DCHS2: variants seen among roughly 807,000 people sequenced by gnomAD.
DCHS2 encodes the protein protocadherin-23.
A neutral mutation model predicts 182.4 loss-of-function variants in DCHS2; 142 were observed. That is an observed-to-expected ratio of 0.78 (90% CI 0.68 to 0.89). DCHS2 has a LOEUF of 0.89. Ranked by LOEUF, DCHS2 falls within the 40% of genes least tolerant of loss-of-function variation. The probability of loss-of-function intolerance (pLI) is 0.00; values close to 1 mark genes in which losing one functional copy is unlikely to be tolerated. For missense variants in DCHS2, 4,319 were observed against 4,198.6 expected (o/e 1.03, Z -0.79); for synonymous variants, 1,740 against 1,663.3 (o/e 1.05, Z -1.12).
chr4:154,378,369 A>G (rs1212472019), intron 1 of DCHS2, among the ~76,000 whole-genome samples: 1 of 151,890 alleles, frequency 6.6e-6, no homozygotes, highest in Non-Finnish European at 1.5e-5. Context: ...TAACAGTAAG[A>G]GCAAACACCT....
At chr4:154,382,746 A>T (rs1304028242) in intron 1 of DCHS2, among the ~76,000 whole-genome samples, 1 of 152,172 alleles carries the variant, frequency 6.6e-6, no homozygotes, top group African/African-American at 2.4e-5. Flanking sequence ...TATGAAAAAA[A>T]TGCTCAATAT....
intron 2 of DCHS2, among the ~76,000 whole-genome samples, chr4:154,368,816 G>A (rs1730513433): frequency 6.6e-6 from 1 of 152,088 alleles, no homozygotes; most frequent in Non-Finnish European, 1.5e-5. Flanking sequence ...CATTTTTGTT[G>A]CCGGTAGGGT....
chr4:154,305,292 T>C, intron 10 of DCHS2, 61 bp from the exon 11 acceptor site: 1 of 1,538,828 alleles, frequency 6.5e-7, no homozygotes, highest in South Asian at 1.2e-5. Context: ...TTATCCACTT[T>C]CCTATTTCTT....
At chr4:154,372,537 T>A (rs943793766) in intron 2 of DCHS2, among the ~76,000 whole-genome samples, 1 of 152,120 alleles carries the variant, frequency 6.6e-6, no homozygotes, top group African/African-American at 2.4e-5. Flanking sequence ...AACACATATG[T>A]CAGCTACAGA....
At chr4:154,452,628 A>G (rs1369278031) in intron 1 of DCHS2, among the ~76,000 whole-genome samples, 1 of 144,514 alleles carries the variant, frequency 6.9e-6, no homozygotes, top group African/African-American at 2.4e-5. Context: ...CATCGCAAAA[A>G]CAAACAAACA....
intron 1 of DCHS2, among the ~76,000 whole-genome samples, chr4:154,410,550 C>T (rs1216960470): frequency 1.9e-5 from 2 of 102,928 alleles, no homozygotes; most frequent in African/African-American, 3.8e-5. Flanking sequence ...AATCCCAGTA[C>T]TTTGACAGAG....
chr4:154,259,172 T>C (rs1377142667), intron 15 of DCHS2, among the ~76,000 whole-genome samples: 1 of 152,138 alleles, frequency 6.6e-6, no homozygotes, highest in Non-Finnish European at 1.5e-5. Flanking sequence ...TAAATATCCT[T>C]ATTCTATGAA....
intron 1 of DCHS2, among the ~76,000 whole-genome samples, chr4:154,414,487 CTTTTTTTTTTTT>C (rs375818839): frequency 1.4e-5 from 1 of 73,752 alleles, no homozygotes; most frequent in South Asian, 5.1e-4. Context: ...ATACAGCTTT[CTTTTTTTTTTTT>C]TTTTTTTTTT....
intron 2 of DCHS2, 106 bp from the exon 3 acceptor site, chr4:154,366,547 T>C (rs929528407): frequency 4.0e-6 from 3 of 758,262 alleles, no homozygotes; most frequent in Non-Finnish European, 6.8e-6. Flanking sequence ...AGAATTTGAA[T>C]ATGTGGGGGT....
rs1220284219 is a variant in DCHS2 at position 154,490,141 on chromosome 4, G to A, written c.1215C>T (p.Asp405=). ...GAATTGCTGGCCGGTTGTCATTCAC[G>A]TCCAGCACGGCGATGGACACGCGCA... ...ATVRVSIAVL[D]VNDNRPAIHV... Residue 405 remains aspartate (D), a synonymous_variant, in exon 1 of 20, where the codon GAC becomes GAT. Transcript: ENST00000357232. 1.3e-6 allele frequency: 2 copies of A among 1,548,304 alleles called. No individual in the cohort carries two copies. The highest frequency in any genetic ancestry group is 8.7e-7 in the Non-Finnish European group (1 of 1,145,582).
intron 1 of DCHS2, chr4:154,384,315 A>C (rs1731302784): frequency 2.5e-6 from 4 of 1,582,992 alleles, no homozygotes; most frequent in Non-Finnish European, 3.4e-6. Context: ...AACATCCTTC[A>C]TCAGACACCA....
At chr4:154,357,982 T>C (rs986335052) in intron 3 of DCHS2, among the ~76,000 whole-genome samples, 2 of 152,146 alleles carry the variant, frequency 1.3e-5, no homozygotes, top group Non-Finnish European at 2.9e-5. Context: ...AGGGAATACA[T>C]AGTAAGTTCT....
chr4:154,373,724 A>C (rs1730750474), intron 2 of DCHS2, among the ~76,000 whole-genome samples: 1 of 152,120 alleles, frequency 6.6e-6, no homozygotes, highest in East Asian at 1.9e-4. Context: ...TCCCTCCTGC[A>C]CACAGCTCCC....
chr4:154,456,905 C>CACTAATCAACCTCA (rs1734793005), intron 1 of DCHS2, among the ~76,000 whole-genome samples: 1 of 151,870 alleles, frequency 6.6e-6, no homozygotes, highest in Admixed American at 6.6e-5. Flanking sequence ...GACTTTTTTG[C>CACTAATCAACCTCA]GTTGTGATTT....
At chr4:154,351,836 C>T (rs1171744402) in intron 3 of DCHS2, among the ~76,000 whole-genome samples, 1 of 152,138 alleles carries the variant, frequency 6.6e-6, no homozygotes, top group Non-Finnish European at 1.5e-5. Flanking sequence ...TGCTCACTCA[C>T]CTCCCATTGT....
At position 154,332,898 on chromosome 4, in the gene DCHS2, G is replaced by A; in HGVS notation, c.3310C>T (p.Leu1104=). ...SESLSPMTQM[L]QTQAHPLGPQ... Reference sequence around the variant, plus strand: ...CCAAGTGGGTGCGCCTGTGTTTGCAGCATTTGTGTCATCGGTGAGAGAGAC... The same window carrying A: ...CCAAGTGGGTGCGCCTGTGTTTGCAACATTTGTGTCATCGGTGAGAGAGAC... The change falls in exon 5 of 20, where the codon CTG becomes TTG. Residue 1104 remains leucine (L), a synonymous_variant. Coordinates refer to ENST00000357232, the MANE Select transcript of DCHS2 (RefSeq NM_001358235.2). The A allele has an allele frequency of 3.7e-6, 6 of 1,614,242 alleles. No individual in the cohort carries two copies. Among genetic ancestry groups the A allele is most frequent in the Non-Finnish European group, 1.7e-6 (2 of 1,180,044 alleles).
intron 13 of DCHS2, among the ~76,000 whole-genome samples, chr4:154,277,866 C>A (rs1454686606): frequency 6.6e-6 from 1 of 151,914 alleles, no homozygotes; most frequent in Non-Finnish European, 1.5e-5. Flanking sequence ...CATGGTGTAA[C>A]CCTGTCTCTA....
chr4:154,421,217 T>C (rs888666340), intron 1 of DCHS2, among the ~76,000 whole-genome samples: 3 of 152,162 alleles, frequency 2.0e-5, no homozygotes, highest in Non-Finnish European at 4.4e-5. Flanking sequence ...TTTTCATTGA[T>C]ATAATCCTAG....
At chr4:154,391,246 T>A (rs1195173277) in intron 1 of DCHS2, 4 of 1,611,130 alleles carry the variant, frequency 2.5e-6, no homozygotes, top group South Asian at 1.1e-5. Context: ...TGAGTAAACA[T>A]CTTCTTTTCT....
Sources: allele counts gnomAD v4.1 joint callset (sites outside exome capture counted in the v4.1 genomes callset), GRCh38; gene constraint gnomAD v4.1.1; transcripts MANE v1.5; gene names NCBI Gene and HGNC (gene_info 2026-07-23, HGNC 2026-07-21).